The following RERE variants were observed in gnomAD, a reference collection of about 807,000 sequenced individuals.
RERE encodes the protein arginine-glutamic acid dipeptide repeats protein.
In RERE, 40 loss-of-function variants were observed where a neutral mutation model predicts 146.1. The observed-to-expected ratio is 0.27, with a 90% confidence interval of 0.21 to 0.36. The LOEUF (loss-of-function observed/expected upper bound fraction) is 0.36. Ranked by LOEUF, RERE falls within the 10% of genes least tolerant of loss-of-function variation. RERE has a pLI of 1.00. For synonymous variants in RERE, 1,003 were observed against 866.0 expected, an observed-to-expected ratio of 1.16 and a Z score of -2.78; for missense variants, 1,933 against 2,138.7, an observed-to-expected ratio of 0.90 and a Z score of 1.90.
At position 8,518,258 on chromosome 1, in the gene RERE, C is replaced by T. The variant is rs1645446972; in HGVS notation, c.831-9583G>A. Among the ~76,000 whole-genome samples the T allele has an allele frequency of 1.3e-5, 2 of 152,176 alleles. 1 individual carries two copies. Among genetic ancestry groups the T allele is most frequent in the South Asian group, 4.1e-4 (2 of 4,830 alleles). Reference sequence around the variant, plus strand: ...AACTAAGGGCAAGAGCTGACCCCCTCATTCAGCCCCTCCCCAAGCCTTGGG... The same window carrying T: ...AACTAAGGGCAAGAGCTGACCCCCTTATTCAGCCCCTCCCCAAGCCTTGGG... On this transcript the variant is annotated intron_variant, in intron 7 of 22. Transcript: ENST00000400908.
At chr1:8,594,662 TAATA>T (rs1646534046) in intron 4 of RERE, among the ~76,000 whole-genome samples, 1 of 152,188 alleles carries the variant, frequency 6.6e-6, no homozygotes, top group South Asian at 2.1e-4. Flanking sequence ...TACAATATAT[TAATA>T]AATAATAATG....
At chr1:8,537,280 A>G (rs1645738246) in intron 7 of RERE, among the ~76,000 whole-genome samples, 2 of 152,208 alleles carry the variant, frequency 1.3e-5, no homozygotes, top group Admixed American at 1.3e-4. Flanking sequence ...CCCTTATCTA[A>G]AATCCTTAGG....
chr1:8,791,353 G>T (rs1349092662), intron 1 of RERE, among the ~76,000 whole-genome samples: 4 of 152,134 alleles, frequency 2.6e-5, no homozygotes, highest in Non-Finnish European at 5.9e-5. Context: ...TTTTAGTGGG[G>T]TTTTTTTCAT....
intron 1 of RERE, among the ~76,000 whole-genome samples, chr1:8,781,663 G>C (rs1271448234): frequency 6.6e-6 from 1 of 150,768 alleles, no homozygotes; most frequent in Non-Finnish European, 1.5e-5. Context: ...CTGTTACACA[G>C]GATTGTGATA....
chr1:8,393,962 G>C (rs1297483117), intron 12 of RERE, among the ~76,000 whole-genome samples: 2 of 151,846 alleles, frequency 1.3e-5, no homozygotes, highest in African/African-American at 4.8e-5. Flanking sequence ...TGCCATGAAG[G>C]CTGGCCACCT....
intron 10 of RERE, among the ~76,000 whole-genome samples, chr1:8,486,601 A>G (rs1297568390): frequency 1.3e-5 from 2 of 152,064 alleles, no homozygotes. Context: ...CCAAATAGGT[A>G]GAAAAAAATT....
At chr1:8,416,598 A>AAAAAAAAG (rs1419532157) in intron 12 of RERE, among the ~76,000 whole-genome samples, 36 of 147,748 alleles carry the variant, frequency 2.4e-4, no homozygotes, top group African/African-American at 8.8e-4. Flanking sequence ...AAAAAAAAAA[A>AAAAAAAAG]AAAAGAAAAG....
intron 10 of RERE, among the ~76,000 whole-genome samples, chr1:8,481,279 GCTAT>G (rs1644830646): frequency 6.6e-6 from 1 of 152,082 alleles, no homozygotes; most frequent in Non-Finnish European, 1.5e-5. Context: ...ACCATGCCCA[GCTAT>G]CTTTGTATTT....
At chr1:8,594,705 G>A (rs4908768) in intron 4 of RERE, among the ~76,000 whole-genome samples, 24,656 of 151,960 alleles carry the variant, frequency 0.16, 2,398 homozygotes, top group Middle Eastern at 0.25. Flanking sequence ...ATAATGTCAT[G>A]GTTAATAGTA....
chr1:8,612,485 T>C (rs944179632), intron 4 of RERE, among the ~76,000 whole-genome samples: 2 of 152,244 alleles, frequency 1.3e-5, no homozygotes, highest in Admixed American at 6.5e-5. Context: ...CTACATATAA[T>C]GTACCCAAGT....
chr1:8,764,440 TAC>T (rs1324350224), intron 1 of RERE, among the ~76,000 whole-genome samples: 1 of 152,176 alleles, frequency 6.6e-6, no homozygotes, highest in African/African-American at 2.4e-5. Flanking sequence ...AAAAAAAAGC[TAC>T]AGTCATCTAT....
chr1:8,766,219 C>G (rs533291528), intron 1 of RERE, among the ~76,000 whole-genome samples: 1 of 152,192 alleles, frequency 6.6e-6, no homozygotes, highest in East Asian at 1.9e-4. Flanking sequence ...AACATGCCAA[C>G]TGGTTTGGAA....
At chr1:8,483,930 T>C (rs78234964) in intron 10 of RERE, among the ~76,000 whole-genome samples, 1 of 152,332 alleles carries the variant, frequency 6.6e-6, no homozygotes, top group East Asian at 1.9e-4. Flanking sequence ...AAATTTTACT[T>C]ACACACAGTG....
rs1484790696 is a variant in RERE at position 8,559,147 on chromosome 1, G to A, written c.523-1624C>T. 2.4e-4 allele frequency among the ~76,000 whole-genome samples: 36 copies of A among 149,756 alleles called. 1 individual carries two copies. Among genetic ancestry groups the A allele is most frequent in the Admixed American group, 2.3e-3 (35 of 15,034 alleles). On this transcript the variant is annotated intron_variant, in intron 4 of 22. Coordinates refer to ENST00000400908, the MANE Select transcript of RERE (RefSeq NM_001042681.2). ...ATACAAAAATTAGCCGGGTATGGTG[G>A]GGCATGCCTATAATCCCAGCTACTC...
At chr1:8,511,784 T>A (rs904679887) in intron 7 of RERE, 3 of 151,550 alleles carry the variant, frequency 2.0e-5, no homozygotes, top group East Asian at 3.9e-4. Flanking sequence ...TTTTTCTTTT[T>A]TTTTTTTTTA....
At chr1:8,782,167 G>T (rs1041900975) in intron 1 of RERE, among the ~76,000 whole-genome samples, 1 of 152,046 alleles carries the variant, frequency 6.6e-6, no homozygotes, top group Non-Finnish European at 1.5e-5. Context: ...ATCTTGCCAA[G>T]ATCATCTGTC....
intron 7 of RERE, among the ~76,000 whole-genome samples, chr1:8,523,604 T>A (rs772470270): frequency 7.8e-4 from 119 of 152,158 alleles, no homozygotes; most frequent in Non-Finnish European, 1.3e-3. Context: ...AGCAAGCCTT[T>A]AGCATTCCAA....
In RERE at chr1:8,364,023, T is replaced by C. The variant is rs374897314; in HGVS notation, c.1740+33A>G. The stretch of plus-strand genomic sequence containing the variant: ...CACACATCCCAGGAAACTGAAGAAG[T>C]TGCCAGGAGCCCCATGGCCCCAGGG... On this transcript the variant is annotated intron_variant, in intron 15 of 22. Transcript: ENST00000400908. This position sits in a 1 kb window ranked among gnomAD's most constrained non-coding sequence, Gnocchi z 5.1. 2.2e-5 allele frequency: 35 copies of C among 1,598,806 alleles called. No individual in the cohort carries two copies. The highest frequency in any genetic ancestry group is 1.9e-4 in the South Asian group (17 of 90,788).
chr1:8,685,664 T>A (rs1048584512), intron 1 of RERE, among the ~76,000 whole-genome samples: 2 of 152,208 alleles, frequency 1.3e-5, no homozygotes, highest in Non-Finnish European at 2.9e-5. Flanking sequence ...TCCAAAAATG[T>A]GACTGCTTTA....
Sources: allele counts gnomAD v4.1 joint callset (sites outside exome capture counted in the v4.1 genomes callset), GRCh38; gene constraint gnomAD v4.1.1; non-coding constraint Gnocchi (gnomAD v3.1); transcripts MANE v1.5; gene names NCBI Gene and HGNC (gene_info 2026-07-23, HGNC 2026-07-21).